The following MRPL42 variants were observed in gnomAD, a reference collection of about 807,000 sequenced individuals.
MRPL42 encodes mitochondrial ribosomal protein L42.
In MRPL42, 17 loss-of-function variants were observed where a neutral mutation model predicts 17.9. The ratio of observed to expected loss-of-function variants is 0.95; its 90% CI spans 0.65 to 1.42. The LOEUF is 1.42. Ranked by LOEUF, MRPL42 falls within the 40% of genes most tolerant of loss-of-function variation. MRPL42 has a pLI of 0.00. For synonymous variants in MRPL42, 59 were observed against 54.4 expected (o/e 1.08, Z -0.37); for missense variants, 177 against 175.2 (o/e 1.01, Z -0.06).
Position 93,507,753 on chromosome 12 carries a change from G to C in MRPL42, c.*6532G>C, listed in dbSNP as rs903912378. On this transcript the variant is annotated 3_prime_UTR_variant, in exon 6 of 6. Transcript: ENST00000549982. ...TGACTGTCACCTGGGGCATTAGGGG[G>C]ACTGTGTCTCTCATCATCCAGCAAG... The C allele has an allele frequency of 6.6e-6, 1 of 152,300 alleles. No individual in the cohort carries two copies. Among genetic ancestry groups the C allele is most frequent in the African/African-American group, 2.4e-5 (1 of 41,428 alleles). 9.4% of individuals were successfully genotyped at this position (152,300 alleles called of 1,614,324 possible). A position where few individuals can be genotyped will look rare whatever the true frequency, so the allele number is the denominator to read the frequency against.
intron 1 of MRPL42, 81 bp from the exon 2 acceptor site, chr12:93,469,111 A>T: frequency 3.8e-6 from 2 of 525,296 alleles, no homozygotes; most frequent in Non-Finnish European, 6.6e-6. Flanking sequence ...CTAGGCAGTG[A>T]TTCTTACCTT....
intron 4 of MRPL42, among the ~76,000 whole-genome samples, chr12:93,485,866 G>A (rs752067850): frequency 1.3e-5 from 2 of 152,096 alleles, no homozygotes; most frequent in Non-Finnish European, 2.9e-5. Flanking sequence ...GGAGGGTACT[G>A]TGCAGTCATG....
rs770382990 is a variant in MRPL42 at position 93,508,687 on chromosome 12, C to A, written c.*7466C>A. The A allele has an allele frequency of 3.9e-5, 6 of 151,998 alleles. No homozygotes were observed. Among genetic ancestry groups the A allele is most frequent in the Non-Finnish European group, 5.9e-5 (4 of 68,026 alleles). 9.4% of individuals were successfully genotyped at this position (151,998 alleles called of 1,614,324 possible). A position where few individuals can be genotyped will look rare whatever the true frequency, so the allele number is the denominator to read the frequency against. ...AATGCACATGGTATGTTTGTCAGAACCCAGTTGGAGTTTTGTTTCCCAGCA... is the reference window on the plus strand; with the variant it reads ...AATGCACATGGTATGTTTGTCAGAAACCAGTTGGAGTTTTGTTTCCCAGCA... On this transcript the variant is annotated 3_prime_UTR_variant, in exon 6 of 6. Transcript: ENST00000549982.
intron 5 of MRPL42, among the ~76,000 whole-genome samples, chr12:93,494,356 C>T (rs533562396): frequency 3.3e-5 from 5 of 152,230 alleles, no homozygotes; most frequent in African/African-American, 7.2e-5. Flanking sequence ...ACTAGGATAG[C>T]GGCAGAGGGA....
At chr12:93,482,809 T>C (rs1441330982) in intron 4 of MRPL42, among the ~76,000 whole-genome samples, 1 of 152,114 alleles carries the variant, frequency 6.6e-6, no homozygotes, top group Non-Finnish European at 1.5e-5. Flanking sequence ...TGATCTTGAA[T>C]TCCTGGACTC....
chr12:93,482,739 C>G (rs978910264), intron 4 of MRPL42, among the ~76,000 whole-genome samples: 1 of 152,146 alleles, frequency 6.6e-6, no homozygotes, highest in Non-Finnish European at 1.5e-5. Context: ...GCACACACCA[C>G]CATGCCCAGC....
intron 5 of MRPL42, among the ~76,000 whole-genome samples, chr12:93,489,756 G>A (rs971470466): frequency 3.3e-5 from 5 of 152,062 alleles, no homozygotes; most frequent in African/African-American, 4.8e-5. Context: ...GGCTGGTCTC[G>A]AACTCCTGAC....
chr12:93,486,889 C>G (rs751659447), intron 4 of MRPL42, among the ~76,000 whole-genome samples: 4 of 151,358 alleles, frequency 2.6e-5, no homozygotes, highest in African/African-American at 4.9e-5. Context: ...GTCTTGAACT[C>G]TTGAACTGAA....
chr12:93,490,350 C>G (rs1381996187), intron 5 of MRPL42, among the ~76,000 whole-genome samples: 1 of 152,154 alleles, frequency 6.6e-6, no homozygotes, highest in East Asian at 1.9e-4. Context: ...ATCAAAATTA[C>G]TAGGCGTTTT....
At chr12:93,471,095 C>T (rs1879887834) in intron 2 of MRPL42, among the ~76,000 whole-genome samples, 2 of 152,114 alleles carry the variant, frequency 1.3e-5, no homozygotes, top group Admixed American at 6.6e-5. Flanking sequence ...ATGCTTGAGA[C>T]GAGGAAAATA....
rs1953599244 is a variant in MRPL42 at position 93,501,790 on chromosome 12, A to T, written c.*569A>T. ...ATAAAAATGTGCATGGCTTTCCTGA[A>T]GGAGATTTTTTAATTGCCTTTGAGA... is the stretch of plus-strand genomic sequence containing the variant. On this transcript the variant is annotated 3_prime_UTR_variant, in exon 6 of 6. Coordinates refer to ENST00000549982, the MANE Select transcript of MRPL42 (RefSeq NM_014050.4). 6.6e-6 allele frequency: 1 copy of T among 152,174 alleles called. No homozygotes were observed. Among genetic ancestry groups the T allele is most frequent in the African/African-American group, 2.4e-5 (1 of 41,454 alleles). The allele number at this position is 152,174 out of a possible 1,614,324, so 9.4% of individuals were successfully genotyped here. A position where few individuals can be genotyped will look rare whatever the true frequency, so the allele number is the denominator to read the frequency against.
rs2121288193 is a variant in MRPL42, at chr12:93,503,241, C to T, written c.*2020C>T. 6.6e-6 allele frequency: 1 copy of T among 152,302 alleles called. No individual in the cohort carries two copies. Among genetic ancestry groups the T allele is most frequent in the African/African-American group, 2.4e-5 (1 of 41,556 alleles). The allele number at this position is 152,302 out of a possible 1,614,324, so 9.4% of individuals were successfully genotyped here. A position where few individuals can be genotyped will look rare whatever the true frequency, so the allele number is the denominator to read the frequency against. The stretch of plus-strand genomic sequence containing the variant: ...ACTCTCACCCAGGGCTTAATTTGAA[C>T]ATCTCGCCCAAAAGTGACTTTTAAA... On this transcript the variant is annotated 3_prime_UTR_variant, in exon 6 of 6. Transcript: ENST00000549982.
At chr12:93,491,495 C>T (rs1333301758) in intron 5 of MRPL42, among the ~76,000 whole-genome samples, 1 of 152,114 alleles carries the variant, frequency 6.6e-6, no homozygotes, top group Non-Finnish European at 1.5e-5. Flanking sequence ...GACCAAAGTG[C>T]TATATGAGCT....
chr12:93,488,372 A>G (rs2121237723), intron 5 of MRPL42: 1 of 398,504 alleles, frequency 2.5e-6, no homozygotes, highest in Admixed American at 4.4e-5. Context: ...CTGGGATTGT[A>G]AGAATGAGCC....
intron 2 of MRPL42, among the ~76,000 whole-genome samples, chr12:93,470,857 C>T (rs1879877688): frequency 6.6e-6 from 1 of 152,198 alleles, no homozygotes; most frequent in Admixed American, 6.5e-5. Context: ...TTCCAGTCCA[C>T]CATTGATGGG....
At chr12:93,469,641 A>AT (rs397827856) in intron 2 of MRPL42, among the ~76,000 whole-genome samples, 1 of 151,648 alleles carries the variant, frequency 6.6e-6, no homozygotes, top group Non-Finnish European at 1.5e-5. Context: ...CTAAAAAAAA[A>AT]TGTGGGTTGG....
intron 4 of MRPL42, among the ~76,000 whole-genome samples, chr12:93,479,963 A>AT (rs1416032927): frequency 6.7e-6 from 1 of 149,150 alleles, no homozygotes; most frequent in Non-Finnish European, 1.5e-5. Context: ...GCCCAGTTAG[A>AT]TTTTTTTCCC....
intron 5 of MRPL42, among the ~76,000 whole-genome samples, chr12:93,491,681 G>T (rs528723334): frequency 6.6e-6 from 1 of 152,138 alleles, no homozygotes; most frequent in African/African-American, 2.4e-5. Flanking sequence ...GGTATATTGT[G>T]TGATGCTGAG....
intron 5 of MRPL42, chr12:93,487,871 A>G (rs1277900843): frequency 2.3e-6 from 1 of 429,394 alleles, no homozygotes; most frequent in Non-Finnish European, 4.1e-6. Context: ...ATCTCAGCTC[A>G]CTGCAGCCTC....
Sources: gnomAD v4.1 joint callset for allele counts (sites outside exome capture counted in the v4.1 genomes callset) on GRCh38, gnomAD v4.1.1 for gene constraint, MANE v1.5 for transcripts, NCBI Gene and HGNC (gene_info 2026-07-23, HGNC 2026-07-21) for gene names.